PPP3R1: variants seen among roughly 807,000 people sequenced by gnomAD.
PPP3R1 encodes protein phosphatase 3 regulatory subunit B, alpha.
A neutral mutation model predicts 22.6 loss-of-function variants in PPP3R1; 5 were observed. The ratio of observed to expected loss-of-function variants is 0.22; its 90% CI spans 0.12 to 0.46. The LOEUF is 0.46. PPP3R1 is among the 20% of genes least tolerant of loss of function. The pLI is 0.99. For missense variants in PPP3R1, 61 were observed against 203.2 expected (o/e 0.30, Z 4.25); for synonymous variants, 56 against 65.2 (o/e 0.86, Z 0.68).
At chr2:68,247,117 G>T (rs528590919) in intron 1 of PPP3R1, among the ~76,000 whole-genome samples, 1 of 148,452 alleles carries the variant, frequency 6.7e-6, no homozygotes, top group South Asian at 2.2e-4. Flanking sequence ...CACTGTGCCC[G>T]CCTAATTTTT....
intron 2 of PPP3R1, among the ~76,000 whole-genome samples, chr2:68,213,120 T>G (rs1365249239): frequency 6.6e-6 from 1 of 152,252 alleles, no homozygotes; most frequent in Non-Finnish European, 1.5e-5. Context: ...CTGTTTCATT[T>G]TCTTATCATT....
At chr2:68,217,013 C>CAT (rs1669591642) in intron 2 of PPP3R1, 79 bp downstream of exon 2, 2 of 290,086 alleles carry the variant, frequency 6.9e-6, no homozygotes, top group African/African-American at 8.3e-5. Flanking sequence ...AGGTATGATA[C>CAT]ACACACACAC....
intron 2 of PPP3R1, among the ~76,000 whole-genome samples, chr2:68,209,088 G>T (rs1187550327): frequency 6.6e-6 from 1 of 151,534 alleles, no homozygotes; most frequent in Non-Finnish European, 1.5e-5. Context: ...GCCGGGCGCG[G>T]TGGCTCACAC....
At chr2:68,225,433 T>C (rs1045633757) in intron 1 of PPP3R1, among the ~76,000 whole-genome samples, 3 of 151,966 alleles carry the variant, frequency 2.0e-5, no homozygotes, top group Non-Finnish European at 4.4e-5. Flanking sequence ...GGAAACAGAG[T>C]GCTCAATCTC....
In PPP3R1 at chr2:68,182,453, T is replaced by C. The variant is rs990493771; in HGVS notation, c.466-1443A>G. Among the ~76,000 whole-genome samples, 55 of 152,094 alleles carry C rather than the reference T, an allele frequency of 3.6e-4. 1 individual carries two copies. Among genetic ancestry groups the C allele is most frequent in the African/African-American group, 1.3e-3 (52 of 41,486 alleles). On this transcript the variant is annotated intron_variant, in intron 5 of 5. Transcript: ENST00000234310. ...CTTTCACATACTTCTCTTCCCTCTATCTCCTACCCTACACACTTCACAAAC... is the reference window on the plus strand; with the variant it reads ...CTTTCACATACTTCTCTTCCCTCTACCTCCTACCCTACACACTTCACAAAC...
intron 2 of PPP3R1, among the ~76,000 whole-genome samples, chr2:68,196,640 T>C (rs1179733893): frequency 6.6e-6 from 1 of 152,192 alleles, no homozygotes; most frequent in South Asian, 2.1e-4. Flanking sequence ...CTAGATTTCT[T>C]ACATACTTTA....
intron 5 of PPP3R1, among the ~76,000 whole-genome samples, chr2:68,185,619 G>A (rs1674530646): frequency 6.6e-6 from 1 of 151,540 alleles, no homozygotes; most frequent in African/African-American, 2.4e-5. Context: ...TTTGAAAACT[G>A]GCTGCTATTT....
intron 2 of PPP3R1, among the ~76,000 whole-genome samples, chr2:68,198,282 T>C (rs970079430): frequency 2.1e-5 from 3 of 145,702 alleles, no homozygotes; most frequent in Non-Finnish European, 3.0e-5. Flanking sequence ...TGTATGCATG[T>C]ATGTGTATAC....
chr2:68,241,537 T>C (rs1048942905), intron 1 of PPP3R1, among the ~76,000 whole-genome samples: 5 of 152,202 alleles, frequency 3.3e-5, no homozygotes, highest in African/African-American at 7.2e-5. Flanking sequence ...CCAAATCTCA[T>C]GCTGGTAATT....
At chr2:68,203,604 A>C (rs1675034140) in intron 2 of PPP3R1, among the ~76,000 whole-genome samples, 1 of 151,880 alleles carries the variant, frequency 6.6e-6, no homozygotes, top group Non-Finnish European at 1.5e-5. Flanking sequence ...TCTGTCTCAA[A>C]AAAAAAAAAA....
chr2:68,209,533 T>C (rs947335860), intron 2 of PPP3R1, among the ~76,000 whole-genome samples: 1 of 151,848 alleles, frequency 6.6e-6, no homozygotes, highest in Admixed American at 6.6e-5. Context: ...GTGCATGGAT[T>C]GTTTGAGCCC....
At chr2:68,182,303 TG>T (rs1323064134) in intron 5 of PPP3R1, among the ~76,000 whole-genome samples, 1 of 152,192 alleles carries the variant, frequency 6.6e-6, no homozygotes, top group African/African-American at 2.4e-5. Flanking sequence ...CTACAACTCC[TG>T]CTGTGGGAAA....
chr2:68,181,287 G>A (rs1454992791), intron 5 of PPP3R1, among the ~76,000 whole-genome samples: 2 of 151,828 alleles, frequency 1.3e-5, no homozygotes, highest in South Asian at 2.1e-4. Context: ...CAGCTACTGG[G>A]CAGGCTGATG....
intron 1 of PPP3R1, among the ~76,000 whole-genome samples, chr2:68,232,225 G>GTATTTATATA (rs1558641460): frequency 1.3e-5 from 1 of 76,116 alleles, no homozygotes; most frequent in African/African-American, 5.5e-5. Flanking sequence ...ATGTATATAT[G>GTATTTATATA]TGTGTGTGTG....
rs149336091 is a variant in PPP3R1 at position 68,205,600 on chromosome 2, A to C, written c.43+11492T>G. Among the ~76,000 whole-genome samples the C allele has an allele frequency of 8.5e-5, 13 of 152,300 alleles. No individual in the cohort carries two copies. The East Asian group carries it at 2.3e-3, about 27-fold the overall frequency. On this transcript the variant is annotated intron_variant, in intron 2 of 5. Coordinates refer to ENST00000234310, the MANE Select transcript of PPP3R1 (RefSeq NM_000945.4). ...CATCATAACATTATCACACCTAAAA[A>C]TTAATTATTTGGTATCAAATAATCA...
chr2:68,187,342 A>C, intron 3 of PPP3R1, 28 bp from the exon 4 acceptor site: 1 of 1,577,074 alleles, frequency 6.3e-7, no homozygotes, highest in Non-Finnish European at 8.7e-7. Context: ...ATGTTCACAA[A>C]TCAGAACTTC....
At chr2:68,187,403 T>C in intron 3 of PPP3R1, 89 bp from the exon 4 acceptor site, 1 of 1,170,848 alleles carries the variant, frequency 8.5e-7, no homozygotes, top group South Asian at 1.4e-5. Context: ...CAAAAGGATA[T>C]TTCCTTGCTG....
chr2:68,181,932 G>A (rs1342402672), intron 5 of PPP3R1, among the ~76,000 whole-genome samples: 1 of 151,998 alleles, frequency 6.6e-6, no homozygotes, highest in Non-Finnish European at 1.5e-5. Flanking sequence ...ATCATTTGGG[G>A]GGAATGTTTT....
intron 1 of PPP3R1, among the ~76,000 whole-genome samples, chr2:68,232,772 A>G (rs1195100886): frequency 6.6e-6 from 1 of 151,956 alleles, no homozygotes; most frequent in Non-Finnish European, 1.5e-5. Context: ...TTGCCCAGCT[A>G]ATTTTTGTAT....
Sources: allele counts gnomAD v4.1 joint callset (sites outside exome capture counted in the v4.1 genomes callset), GRCh38; gene constraint gnomAD v4.1.1; transcripts MANE v1.5; gene names NCBI Gene and HGNC (gene_info 2026-07-23, HGNC 2026-07-21).